The following SLC3A1 variants were observed in gnomAD, a reference collection of about 807,000 sequenced individuals.
The protein encoded by SLC3A1 is amino acid transporter heavy chain SLC3A1.
SLC3A1 carries 78 observed loss-of-function variants against 60.3 expected under a neutral mutation model. The ratio of observed to expected loss-of-function variants is 1.29; its 90% confidence interval spans 1.08 to 1.56. The LOEUF is 1.56. SLC3A1 is among the 40% of genes most tolerant of loss of function. The pLI is 0.00. For synonymous variants in SLC3A1, 392 were observed against 307.9 expected (o/e 1.27, Z -2.86); for missense variants, 1,172 against 858.9 (o/e 1.36, Z -4.56).
intron 8 of SLC3A1, among the ~76,000 whole-genome samples, chr2:44,313,102 C>A (rs1372080): frequency 2.6e-5 from 4 of 151,920 alleles, no homozygotes; most frequent in Non-Finnish European, 1.5e-5. Flanking sequence ...TAGAATATGA[C>A]TCATTTCCCT....
intron 4 of SLC3A1, among the ~76,000 whole-genome samples, chr2:44,299,131 C>T (rs1376675772): frequency 6.6e-6 from 1 of 150,994 alleles, no homozygotes; most frequent in African/African-American, 2.4e-5. Context: ...TTCCACCTCC[C>T]GGGTTCAAGT....
intron 1 of SLC3A1, among the ~76,000 whole-genome samples, chr2:44,277,103 C>CTTTTTTTTTT (rs1222833364): frequency 2.1e-5 from 2 of 94,836 alleles, no homozygotes; most frequent in Admixed American, 1.1e-4. Flanking sequence ...TCTCTCTCTT[C>CTTTTTTTTTT]TTTTTTTTTT....
At chr2:44,310,847 G>A (rs1454455860) in intron 7 of SLC3A1, among the ~76,000 whole-genome samples, 3 of 151,774 alleles carry the variant, frequency 2.0e-5, no homozygotes, top group Admixed American at 6.6e-5. Context: ...TGCCCAGGCT[G>A]GAGTGCAGTG....
intron 1 of SLC3A1, among the ~76,000 whole-genome samples, chr2:44,280,418 T>C (rs1437105603): frequency 1.3e-5 from 2 of 152,120 alleles, no homozygotes; most frequent in African/African-American, 4.8e-5. Context: ...TTTGTATTTT[T>C]AATAGAGACG....
intron 6 of SLC3A1, among the ~76,000 whole-genome samples, chr2:44,302,431 T>C (rs1672037854): frequency 6.6e-6 from 1 of 152,232 alleles, no homozygotes; most frequent in East Asian, 1.9e-4. Context: ...TAAAGAAATT[T>C]CATCTCCTTA....
In SLC3A1 at chr2:44,286,055, T is replaced by A. The variant is rs752334508; in HGVS notation, c.789T>A (p.Ser263Arg). Residue 263 changes from serine (S) to arginine (R), a missense_variant, in exon 4 of 10, where the codon AGT becomes AGA. Physicochemically the swap from Ser to Arg is moderately radical, Grantham distance 110 (BLOSUM62 -1). Coordinates refer to ENST00000260649, the MANE Select transcript of SLC3A1 (RefSeq NM_000341.4). ...NNWLSVYGNS[S>R]WHFDEVRNQC... ...AGTTAAGTGTGTATGGAAACTCCAG[T>A]TGGCACTTTGACGAAGTGCGAAACC... 1 of 1,614,024 alleles carries A rather than the reference T, an allele frequency of 6.2e-7. No homozygotes were observed. Among genetic ancestry groups the A allele is most frequent in the East Asian group, 2.2e-5 (1 of 44,888 alleles).
chr2:44,313,920 C>A lies in SLC3A1; in HGVS notation c.1586C>A (p.Thr529Asn), dbSNP rs944400757. Residue 529 changes from threonine (T) to asparagine (N), a missense_variant, in exon 9 of 10, where the codon ACC becomes AAC. Physicochemically the swap from Thr to Asn is moderately conservative, Grantham distance 65. Coordinates refer to ENST00000260649, the MANE Select transcript of SLC3A1 (RefSeq NM_000341.4). ...GAAGCTAGTAACACCTGGTTACCTA[C>A]CAATTCAGATTACCACACTGTGAAT... ...FSEASNTWLP[T>N]NSDYHTVNVD... 21 of 1,613,920 alleles carry A rather than the reference C, an allele frequency of 1.3e-5. No individual in the cohort carries two copies. Among genetic ancestry groups the A allele is most frequent in the Non-Finnish European group, 1.6e-5 (19 of 1,179,960 alleles).
At chr2:44,312,935 T>A (rs553539291) in intron 8 of SLC3A1, 182 bp downstream of exon 8, 1 of 593,352 alleles carries the variant, frequency 1.7e-6, no homozygotes, top group Admixed American at 3.0e-5. Flanking sequence ...GAGAGCTTAT[T>A]TTAAAAATGC....
At chr2:44,318,940 A>T (rs1451530280) in intron 9 of SLC3A1, 1 of 152,240 alleles carries the variant, frequency 6.6e-6, no homozygotes, top group African/African-American at 2.4e-5. Flanking sequence ...CTGCAATTAC[A>T]GAAAAAGACT....
intron 7 of SLC3A1, among the ~76,000 whole-genome samples, chr2:44,310,443 A>T (rs1261417999): frequency 3.9e-5 from 6 of 152,122 alleles, no homozygotes; most frequent in African/African-American, 1.4e-4. Context: ...TTCTTTCATC[A>T]CTTTGAATAT....
At chr2:44,293,435 T>G (rs1158277665) in intron 4 of SLC3A1, among the ~76,000 whole-genome samples, 1 of 152,026 alleles carries the variant, frequency 6.6e-6, no homozygotes, top group Non-Finnish European at 1.5e-5. Context: ...GAGAATTGCT[T>G]GAGCCCATGA....
rs777174361 is a variant in SLC3A1, at chr2:44,320,643, C to G, written c.*4C>G. 2 of 1,611,378 alleles carry G rather than the reference C, an allele frequency of 1.2e-6. No individual in the cohort carries two copies. The highest frequency in any genetic ancestry group is 1.7e-6 in the Non-Finnish European group (2 of 1,177,644). ...CATACTGTATACCTCGTGTTAGGCA[C>G]CTTTATGAAGAGATGAAGACACTGG... is the stretch of plus-strand genomic sequence containing the variant. On this transcript the variant is annotated 3_prime_UTR_variant, in exon 10 of 10. Coordinates refer to ENST00000260649, the MANE Select transcript of SLC3A1 (RefSeq NM_000341.4).
intron 4 of SLC3A1, among the ~76,000 whole-genome samples, chr2:44,297,407 G>A (rs905353371): frequency 6.6e-6 from 1 of 152,084 alleles, no homozygotes; most frequent in Admixed American, 6.6e-5. Flanking sequence ...CTCCACACTT[G>A]GCTCATGTTG....
intron 3 of SLC3A1, among the ~76,000 whole-genome samples, chr2:44,283,258 C>T (rs1047280161): frequency 2.0e-5 from 3 of 152,180 alleles, no homozygotes; most frequent in Non-Finnish European, 2.9e-5. Flanking sequence ...TATAACCTTC[C>T]GTCTCCCAGG....
At chr2:44,292,627 C>G (rs925003393) in intron 4 of SLC3A1, among the ~76,000 whole-genome samples, 2 of 152,074 alleles carry the variant, frequency 1.3e-5, no homozygotes, top group African/African-American at 4.8e-5. Flanking sequence ...AACCTGGACA[C>G]ATTTGCAGAG....
chr2:44,294,113 C>A (rs1377329492), intron 4 of SLC3A1, among the ~76,000 whole-genome samples: 1 of 152,024 alleles, frequency 6.6e-6, no homozygotes, highest in African/African-American at 2.4e-5. Flanking sequence ...GGAGACAAAC[C>A]AAGGGGCAGG....
intron 4 of SLC3A1, among the ~76,000 whole-genome samples, chr2:44,293,791 A>G (rs1558459196): frequency 6.6e-6 from 1 of 152,200 alleles, no homozygotes; most frequent in East Asian, 1.9e-4. Flanking sequence ...GGCGCCGTAC[A>G]GTTGCAATTC....
At chr2:44,298,611 C>T (rs576932987) in intron 4 of SLC3A1, among the ~76,000 whole-genome samples, 1 of 152,338 alleles carries the variant, frequency 6.6e-6, no homozygotes, top group East Asian at 1.9e-4. Context: ...CTCCTGGCCT[C>T]AAGTGATCCA....
intron 2 of SLC3A1, 106 bp downstream of exon 2, chr2:44,281,001 C>A (rs1262187857): frequency 6.4e-6 from 6 of 944,384 alleles, no homozygotes; most frequent in Non-Finnish European, 1.0e-5. Flanking sequence ...TATACTATTT[C>A]TTTCCCTCCC....
Sources: gnomAD v4.1 joint callset for allele counts (sites outside exome capture counted in the v4.1 genomes callset) on GRCh38, gnomAD v4.1.1 for gene constraint, MANE v1.5 for transcripts, NCBI Gene and HGNC (gene_info 2026-07-23, HGNC 2026-07-21) for gene names.